The following STRN3 variants were observed in gnomAD, a reference collection of about 807,000 sequenced individuals.
STRN3 encodes striatin 3.
STRN3 carries 29 observed loss-of-function variants against 95.6 expected under a neutral mutation model. The observed-to-expected ratio is 0.30, with a 90% CI of 0.23 to 0.41. The LOEUF (loss-of-function observed/expected upper bound fraction) is 0.41, where lower values mean the gene tolerates loss of function less well. Ranked by LOEUF, STRN3 falls within the 10% of genes least tolerant of loss-of-function variation. STRN3 has a pLI of 1.00. For synonymous variants in STRN3, 331 were observed against 357.6 expected (o/e 0.93, Z 0.84); for missense variants, 890 against 972.1 (o/e 0.92, Z 1.12).
intron 5 of STRN3, 55 bp downstream of exon 5, chr14:30,947,035 C>A: frequency 3.6e-5 from 39 of 1,078,216 alleles, no homozygotes; most frequent in Non-Finnish European, 4.4e-5. Flanking sequence ...AAGAGATTAA[C>A]AATAACAATA....
At chr14:31,021,073 T>C (rs1403542564) in intron 1 of STRN3, among the ~76,000 whole-genome samples, 2 of 152,152 alleles carry the variant, frequency 1.3e-5, no homozygotes, top group Non-Finnish European at 2.9e-5. Flanking sequence ...GAAGGTTCAA[T>C]GACCTCTATA....
Position 31,008,183 on chromosome 14 carries a change from T to C in STRN3, c.282+17721A>G, listed in dbSNP as rs1487450865. On this transcript the variant is annotated intron_variant, in intron 1 of 17. Transcript: ENST00000357479. The stretch of plus-strand genomic sequence containing the variant: ...TCTAGCCTAGGCAACAGAGTGAGAC[T>C]CCGTCTCAAAAAAAAAAGAAAAAGA... 2.1e-5 allele frequency among the ~76,000 whole-genome samples: 3 copies of C among 143,966 alleles called. No individual in the cohort carries two copies. The Admixed American group carries it at 2.1e-4, about 10-fold the overall frequency. 94.4% of individuals were successfully genotyped at this position (143,966 alleles called of 152,430 possible). A position where few individuals can be genotyped will look rare whatever the true frequency, so the allele number is the denominator to read the frequency against.
chr14:30,983,924 A>G (rs76741798), intron 1 of STRN3, among the ~76,000 whole-genome samples: 1 of 152,290 alleles, frequency 6.6e-6, no homozygotes, highest in Non-Finnish European at 1.5e-5. Context: ...ATTCCCTTTA[A>G]CAGCTCATGT....
At chr14:30,953,517 T>C (rs1191495319) in intron 3 of STRN3, among the ~76,000 whole-genome samples, 1 of 152,262 alleles carries the variant, frequency 6.6e-6, no homozygotes, top group Non-Finnish European at 1.5e-5. Flanking sequence ...AAGACTGTTC[T>C]AGTTGTTTCC....
intron 1 of STRN3, among the ~76,000 whole-genome samples, chr14:31,011,013 T>C (rs1882946468): frequency 6.6e-6 from 1 of 152,240 alleles, no homozygotes; most frequent in Non-Finnish European, 1.5e-5. Flanking sequence ...CACTCCAGCC[T>C]GGGTGACAGA....
chr14:30,988,676 T>G (rs960266853), intron 1 of STRN3, among the ~76,000 whole-genome samples: 1 of 152,246 alleles, frequency 6.6e-6, no homozygotes, highest in Admixed American at 6.5e-5. Context: ...AAGTTTTGAA[T>G]GACTCATCTA....
chr14:30,996,538 G>A lies in STRN3; in HGVS notation c.282+29366C>T, dbSNP rs539112197. Reference sequence around the variant, plus strand: ...AAAGGCAGGTCAAGAACTGGGTTTGGCCTGTAAGCCATACTTTGACAACCT... The same window carrying A: ...AAAGGCAGGTCAAGAACTGGGTTTGACCTGTAAGCCATACTTTGACAACCT... On this transcript the variant is annotated intron_variant, in intron 1 of 17. Transcript: ENST00000357479. Among the ~76,000 whole-genome samples, 268 of 152,284 alleles carry A rather than the reference G, an allele frequency of 1.8e-3. 1 individual carries two copies. Among genetic ancestry groups the A allele is most frequent in the Admixed American group, 4.8e-3 (73 of 15,292 alleles).
At chr14:30,928,044 A>G (rs1878281099) in intron 8 of STRN3, among the ~76,000 whole-genome samples, 1 of 152,144 alleles carries the variant, frequency 6.6e-6, no homozygotes, top group Non-Finnish European at 1.5e-5. Flanking sequence ...CTTGCATTAT[A>G]GGTAAATGAT....
chr14:30,970,462 C>T (rs1234866077), intron 1 of STRN3, among the ~76,000 whole-genome samples: 1 of 152,192 alleles, frequency 6.6e-6, no homozygotes, highest in African/African-American at 2.4e-5. Flanking sequence ...GCTCCCCTCC[C>T]CCAGCTGTCA....
chr14:30,974,530 C>T (rs998630914), intron 1 of STRN3, among the ~76,000 whole-genome samples: 3 of 147,144 alleles, frequency 2.0e-5, no homozygotes, highest in African/African-American at 5.1e-5. Flanking sequence ...AAAATCCCAA[C>T]TTTATTTCTG....
At chr14:30,936,473 G>C (rs754101921) in intron 6 of STRN3, 22 bp downstream of exon 6, 14 of 1,604,878 alleles carry the variant, frequency 8.7e-6, no homozygotes, top group Non-Finnish European at 1.2e-5. Context: ...TAGCTAATAA[G>C]AATATAAAAT....
At chr14:31,024,355 G>A (rs1013044278) in intron 1 of STRN3, among the ~76,000 whole-genome samples, 1 of 152,180 alleles carries the variant, frequency 6.6e-6, no homozygotes, top group Non-Finnish European at 1.5e-5. Flanking sequence ...AGAAAATTAA[G>A]TTTGCAGTAT....
intron 15 of STRN3, among the ~76,000 whole-genome samples, chr14:30,903,764 A>G (rs1896388048): frequency 6.6e-6 from 1 of 152,234 alleles, no homozygotes; most frequent in Non-Finnish European, 1.5e-5. Context: ...GAACTTAAGT[A>G]TATCCAACTG....
At chr14:30,985,843 T>C (rs1881664449) in intron 1 of STRN3, among the ~76,000 whole-genome samples, 1 of 152,214 alleles carries the variant, frequency 6.6e-6, no homozygotes, top group African/African-American at 2.4e-5. Flanking sequence ...CTCACATTAA[T>C]ATCCTTTTCC....
At position 30,936,579 on chromosome 14, in the gene STRN3, G is replaced by T; in HGVS notation, c.762C>A (p.Ala254=). The change falls in exon 6 of 18, where the codon GCC becomes GCA. Residue 254 remains alanine (A), a synonymous_variant. Coordinates refer to ENST00000357479, the MANE Select transcript of STRN3 (RefSeq NM_001083893.2). ...VLETFNFLEN[A]DDSDEDEEND... is the part of the protein sequence containing the mutation. ...TTTCCTCATCTTCATCACTGTCATC[G>T]GCATTTTCTAAGAAATTGAACGTCT... 6.2e-7 allele frequency: 1 copy of T among 1,613,506 alleles called. No individual in the cohort carries two copies. The highest frequency in any genetic ancestry group is 1.3e-5 in the African/African-American group (1 of 74,958).
At chr14:30,996,813 C>T (rs1453640310) in intron 1 of STRN3, among the ~76,000 whole-genome samples, 3 of 149,618 alleles carry the variant, frequency 2.0e-5, no homozygotes, top group African/African-American at 7.4e-5. Context: ...ATGCAGTGAG[C>T]CGAGATCGTG....
intron 1 of STRN3, among the ~76,000 whole-genome samples, chr14:30,992,133 G>A (rs764008632): frequency 5.2e-4 from 79 of 152,176 alleles, no homozygotes; most frequent in Non-Finnish European, 4.6e-4. Context: ...AAAGGGGCCG[G>A]GTGCAGTGGC....
chr14:30,963,832 C>G (rs1208602496), intron 1 of STRN3, among the ~76,000 whole-genome samples: 1 of 152,126 alleles, frequency 6.6e-6, no homozygotes, highest in Non-Finnish European at 1.5e-5. Context: ...TTAAACAACA[C>G]ACTCAAAGAA....
intron 9 of STRN3, among the ~76,000 whole-genome samples, chr14:30,917,722 G>A (rs1257054861): frequency 6.6e-6 from 1 of 151,740 alleles, no homozygotes; most frequent in East Asian, 1.9e-4. Context: ...TTTTTTTAAG[G>A]TGAGTGAAGT....
Sources: gnomAD v4.1 joint callset for allele counts (sites outside exome capture counted in the v4.1 genomes callset) on GRCh38, gnomAD v4.1.1 for gene constraint, MANE v1.5 for transcripts, NCBI Gene and HGNC (gene_info 2026-07-23, HGNC 2026-07-21) for gene names.